The following SDE2 variants were observed in gnomAD, a reference collection of about 807,000 sequenced individuals.
SDE2 encodes spliceosome associated SDE2.
SDE2 carries 31 observed loss-of-function variants against 46.9 expected under a neutral mutation model. The ratio of observed to expected loss-of-function variants is 0.66; its 90% confidence interval spans 0.50 to 0.89. The LOEUF (loss-of-function observed/expected upper bound fraction) is 0.89, where lower values mean the gene tolerates loss of function less well. SDE2 is among the 40% of genes least tolerant of loss of function. SDE2 has a pLI of 0.00. For synonymous variants in SDE2, 205 were observed against 204.3 expected (o/e 1.00, Z -0.03); for missense variants, 542 against 564.4 (o/e 0.96, Z 0.40).
At chr1:225,992,856 C>T (rs1656434102) in intron 3 of SDE2, 35 bp downstream of exon 3, 1 of 1,212,832 alleles carries the variant, frequency 8.2e-7, no homozygotes, top group Non-Finnish European at 1.2e-6. Flanking sequence ...GTATATGTCT[C>T]TCCTCAAAAA....
At position 225,992,535 on chromosome 1, in the gene SDE2, C is replaced by G. The variant is rs374145200; in HGVS notation, c.383G>C (p.Arg128Pro). Residue 128 changes from arginine (R) to proline (P), a missense_variant, in exon 4 of 7, where the codon CGA (arginine) becomes CCA (proline). Coordinates refer to ENST00000272091, the MANE Select transcript of SDE2 (RefSeq NM_152608.4). The part of the protein sequence containing the change: ...MAEWVKQQAE[R>P]EAEKEQKRLE... ...CCGCTTCTGCTCCTTTTCAGCCTCT[C>G]GCTCGGCTTGTTGTTTTACCCATTC... 1.1e-5 allele frequency: 17 copies of G among 1,610,770 alleles called. No individual in the cohort carries two copies. The highest frequency in any genetic ancestry group is 1.4e-5 in the Non-Finnish European group (16 of 1,179,748).
chr1:225,996,503 G>T (rs370310647), intron 1 of SDE2, among the ~76,000 whole-genome samples: 12 of 152,190 alleles, frequency 7.9e-5, no homozygotes, highest in East Asian at 3.9e-4. Context: ...TAAGATTCTT[G>T]TCAATGAAGT....
chr1:225,986,197 T>TGCGTGCCTGTAGTCTCA (rs997693858), intron 6 of SDE2, among the ~76,000 whole-genome samples: 1 of 151,968 alleles, frequency 6.6e-6, no homozygotes, highest in Non-Finnish European at 1.5e-5. Context: ...GGTGTGGTGG[T>TGCGTGCCTGTAGTCTCA]GCGTGCCTGT....
rs58512006 is a variant in SDE2, at chr1:225,989,293, C to CA, written c.642-906dup. Among the ~76,000 whole-genome samples, 944 of 130,292 alleles carry CA rather than the reference C, an allele frequency of 7.2e-3. 4 individuals carry two copies. Among genetic ancestry groups the CA allele is most frequent in the Middle Eastern group, 0.024 (6 of 250 alleles). The allele number at this position is 130,292 out of a possible 152,430, so 85.5% of individuals were successfully genotyped here. A position where few individuals can be genotyped will look rare whatever the true frequency, so the allele number is the denominator to read the frequency against. On this transcript the variant is annotated intron_variant, in intron 5 of 6. Coordinates refer to ENST00000272091, the MANE Select transcript of SDE2 (RefSeq NM_152608.4). Reference sequence around the variant, plus strand: ...CCTGGGGGACAGAGCAAGACTGTCTCAAAAAAAAAAAAAAAATAATAATAA... The same window carrying CA: ...CCTGGGGGACAGAGCAAGACTGTCTCAAAAAAAAAAAAAAAAATAATAATAA...
chr1:225,990,258 G>A (rs932172859), intron 5 of SDE2, among the ~76,000 whole-genome samples: 8 of 152,168 alleles, frequency 5.3e-5, no homozygotes, highest in Admixed American at 4.6e-4. Flanking sequence ...TACCATGGAT[G>A]AATCTCTAAA....
In SDE2 at chr1:225,988,055, C is replaced by G; in HGVS notation, c.975G>C (p.Glu325Asp). 2 of 1,614,190 alleles carry G rather than the reference C, an allele frequency of 1.2e-6. No individual in the cohort carries two copies. The highest frequency in any genetic ancestry group is 1.3e-5 in the African/African-American group (1 of 75,054). Residue 325 changes from glutamate (E) to aspartate (D), a missense_variant, in exon 6 of 7, where the codon GAG becomes GAC. By Grantham distance (45) the Glu-to-Asp change is conservative. Transcript: ENST00000272091. The part of the protein sequence containing the change: ...ETEETQEKKA[E>D]SKEPIEEEPT... ...GCTCCTCTTCTATGGGTTCTTTACT[C>G]TCTGCCTTCTTCTCCTGGGTCTCTT...
chr1:225,991,663 T>A (rs1656404213), intron 4 of SDE2, among the ~76,000 whole-genome samples: 1 of 152,200 alleles, frequency 6.6e-6, no homozygotes, highest in Admixed American at 6.5e-5. Flanking sequence ...TGCATACACT[T>A]GTCTTTTTCC....
intron 1 of SDE2, among the ~76,000 whole-genome samples, chr1:225,995,891 A>G (rs1040805352): frequency 1.5e-4 from 23 of 152,156 alleles, no homozygotes; most frequent in African/African-American, 4.6e-4. Flanking sequence ...ATGAGCAAAA[A>G]TGAGCAAAGT....
intron 2 of SDE2, among the ~76,000 whole-genome samples, chr1:225,994,466 T>C (rs890100722): frequency 1.3e-5 from 2 of 152,224 alleles, no homozygotes; most frequent in African/African-American, 2.4e-5. Flanking sequence ...ACTGTAGATT[T>C]TGAGAAAGCT....
intron 6 of SDE2, among the ~76,000 whole-genome samples, chr1:225,987,260 CCAGGCTGGT>C (rs1397471099): frequency 6.6e-6 from 1 of 152,096 alleles, no homozygotes; most frequent in East Asian, 1.9e-4. Context: ...ACCATGCTGG[CCAGGCTGGT>C]GTCAAGCTCC....
In SDE2 at chr1:225,987,994, C is replaced by G. The variant is rs1297747472; in HGVS notation, c.1036G>C (p.Glu346Gln). 1 of 1,614,190 alleles carries G rather than the reference C, an allele frequency of 6.2e-7. No homozygotes were observed. The highest frequency in any genetic ancestry group is 1.7e-5 in the Admixed American group (1 of 60,018). The change falls in exon 6 of 7, where the codon GAA (glutamate) becomes CAA (glutamine). Residue 346 changes from glutamate to glutamine, a missense_variant. By Grantham distance (29) the Glu-to-Gln change is conservative (BLOSUM62 2). This residue lies in a region of SDE2 where 401 missense variants were observed against 437.8 expected (regional missense o/e 0.92). Coordinates refer to ENST00000272091, the MANE Select transcript of SDE2 (RefSeq NM_152608.4). Reference protein sequence around the residue: ...GAGLNKDKETEERTDGERVAE... With the variant: ...GAGLNKDKETQERTDGERVAE... ...ACTCTTTCCCCATCAGTCCTTTCTT[C>G]TGTCTCTTTATCCTTATTCAGTCCA...
In SDE2 at chr1:225,988,142, G is replaced by A. The variant is rs1027701712; in HGVS notation, c.888C>T (p.Asp296=). The part of the protein sequence containing the change: ...VTDSGRHILE[D]SCAELGESKE... Reference sequence around the variant, plus strand: ...TGGACTCCCCCAGCTCAGCACATGAGTCTTCTAAAATATGCCTCCCAGAGT... The same window carrying A: ...TGGACTCCCCCAGCTCAGCACATGAATCTTCTAAAATATGCCTCCCAGAGT... The change falls in exon 6 of 7, where the codon GAC becomes GAT. Residue 296 remains aspartate, a synonymous_variant. Transcript: ENST00000272091. 22 of 1,614,056 alleles carry A rather than the reference G, an allele frequency of 1.4e-5. No individual in the cohort carries two copies. The highest frequency in any genetic ancestry group is 1.1e-4 in the African/African-American group (8 of 74,918).
chr1:225,992,543 T>C lies in SDE2; in HGVS notation c.375A>G (p.Gln125=), dbSNP rs750113065. 2 of 1,609,736 alleles carry C rather than the reference T, an allele frequency of 1.2e-6. No homozygotes were observed. Among genetic ancestry groups the C allele is most frequent in the South Asian group, 2.2e-5 (2 of 91,066 alleles). Residue 125 remains glutamine, a synonymous_variant, in exon 4 of 7, where the codon CAA becomes CAG. Coordinates refer to ENST00000272091, the MANE Select transcript of SDE2 (RefSeq NM_152608.4). ...EKAMAEWVKQ[Q]AEREAEKEQK... ...GCTCCTTTTCAGCCTCTCGCTCGGC[T>C]TGTTGTTTTACCCATTCAGCCATTC... is the stretch of plus-strand genomic sequence containing the variant.
rs761175338 is a variant in SDE2 at position 225,995,340 on chromosome 1, A to T, written c.164T>A (p.Leu55His). Residue 55 changes from leucine to histidine, a missense_variant, in exon 2 of 7, where the codon CTC becomes CAC. This residue lies in a region of SDE2 where 135 missense variants were observed against 106.5 expected (regional missense o/e 1.27). Transcript: ENST00000272091. Reference sequence around the variant, plus strand: ...CTGCACTGTGTCACTGGTGTTAATGAGTGCTCCATTGCATTTCACAAAGAA... The same window carrying T: ...CTGCACTGTGTCACTGGTGTTAATGTGTGCTCCATTGCATTTCACAAAGAA... ...ENFFVKCNGA[L>H]INTSDTVQHG... 11 of 1,612,796 alleles carry T rather than the reference A, an allele frequency of 6.8e-6. No homozygotes were observed. The Admixed American group carries it at 1.8e-4, about 27-fold the overall frequency.
At chr1:225,988,479 C>T in intron 5 of SDE2, 91 bp from the exon 6 acceptor site, 3 of 1,386,826 alleles carry the variant, frequency 2.2e-6, no homozygotes, top group Non-Finnish European at 3.0e-6. Context: ...GCCTGTAATC[C>T]CAGGACTTTG....
chr1:225,990,945 T>C (rs1317343586), intron 5 of SDE2, among the ~76,000 whole-genome samples: 1 of 152,192 alleles, frequency 6.6e-6, no homozygotes, highest in Admixed American at 6.5e-5. Flanking sequence ...GATTTCCACC[T>C]AGAATTTCTA....
intron 4 of SDE2, 94 bp from the exon 5 acceptor site, chr1:225,991,457 C>T (rs1656400266): frequency 1.1e-5 from 10 of 905,464 alleles, no homozygotes; most frequent in South Asian, 1.7e-5. Flanking sequence ...CTGCAATCTA[C>T]AGCTCCAGAT....
At chr1:225,989,167 G>A (rs1415602702) in intron 5 of SDE2, among the ~76,000 whole-genome samples, 1 of 150,998 alleles carries the variant, frequency 6.6e-6, no homozygotes, top group Non-Finnish European at 1.5e-5. Flanking sequence ...CCTGGTGGCA[G>A]GTGCCTGTAG....
chr1:225,993,611 C>CAA (rs751711694), intron 2 of SDE2, among the ~76,000 whole-genome samples: 16 of 117,092 alleles, frequency 1.4e-4, no homozygotes, highest in Non-Finnish European at 2.2e-4. Flanking sequence ...GGCTCTGTCT[C>CAA]AAAAAAAAAA....
Sources: gnomAD v4.1 joint callset for allele counts (sites outside exome capture counted in the v4.1 genomes callset) on GRCh38, gnomAD v4.1.1 for gene constraint, gnomAD v4.1.1 regional missense constraint, MANE v1.5 for transcripts, NCBI Gene and HGNC (gene_info 2026-07-23, HGNC 2026-07-21) for gene names.